UNC5D: variants seen among roughly 807,000 people sequenced by gnomAD.
UNC5D encodes the protein unc-5 netrin receptor D.
Under a neutral mutation model 105.4 loss-of-function variants are expected in UNC5D, and 39 were observed. That is an observed-to-expected ratio of 0.37 (90% CI 0.29 to 0.48). UNC5D has a LOEUF of 0.48. Among genes scored for constraint, UNC5D ranks in the 20% least tolerant of loss-of-function variants. UNC5D has a pLI of 0.98. For synonymous variants in UNC5D, 452 were observed against 450.4 expected (o/e 1.00, Z -0.04); for missense variants, 991 against 1,202.4 (o/e 0.82, Z 2.60).
intron 4 of UNC5D, among the ~76,000 whole-genome samples, chr8:35,635,421 A>C (rs1425541847): frequency 2.0e-5 from 3 of 152,094 alleles, no homozygotes; most frequent in Admixed American, 2.0e-4. Context: ...TTTTCCTGTC[A>C]CTTGTCCAAG....
intron 2 of UNC5D, among the ~76,000 whole-genome samples, chr8:35,560,176 C>G (rs1312671067): frequency 6.6e-6 from 1 of 152,162 alleles, no homozygotes; most frequent in East Asian, 1.9e-4. Flanking sequence ...AGAGTCATGC[C>G]AGTTATCAGG....
At chr8:35,547,459 T>C (rs1388778021) in intron 1 of UNC5D, among the ~76,000 whole-genome samples, 2 of 152,050 alleles carry the variant, frequency 1.3e-5, no homozygotes, top group African/African-American at 4.8e-5. Context: ...CCACCATGCC[T>C]GGATACTATT....
At chr8:35,405,912 T>A (rs1054513677) in intron 1 of UNC5D, among the ~76,000 whole-genome samples, 2 of 152,186 alleles carry the variant, frequency 1.3e-5, no homozygotes, top group African/African-American at 4.8e-5. Flanking sequence ...TCCTGACATA[T>A]GTAACTCAAA....
At chr8:35,372,626 C>G (rs1426364814) in intron 1 of UNC5D, among the ~76,000 whole-genome samples, 3 of 149,738 alleles carry the variant, frequency 2.0e-5, no homozygotes, top group African/African-American at 5.1e-5. Context: ...TTTCAAGAGA[C>G]AGGGTCTTGC....
At chr8:35,510,055 A>C (rs949827901) in intron 1 of UNC5D, among the ~76,000 whole-genome samples, 2 of 152,234 alleles carry the variant, frequency 1.3e-5, no homozygotes, top group African/African-American at 4.8e-5. Flanking sequence ...GTGTCCAGCA[A>C]CCTGGAGGCT....
rs1585737360 is a variant in UNC5D, at chr8:35,393,033, T to C, written c.104-156259T>C. On this transcript the variant is annotated intron_variant, in intron 1 of 16. Transcript: ENST00000404895. ...GTGATTTTAGGAAACCACTATTCTT[T>C]TCATCATATGCTAGTTAGTCCCATG... Among the ~76,000 whole-genome samples, 3 of 152,144 alleles carry C rather than the reference T, an allele frequency of 2.0e-5. No individual in the cohort carries two copies. The East Asian group carries it at 5.8e-4, about 29-fold the overall frequency.
chr8:35,769,429 ATT>A (rs1460821490), intron 15 of UNC5D, among the ~76,000 whole-genome samples: 1 of 152,186 alleles, frequency 6.6e-6, no homozygotes, highest in African/African-American at 2.4e-5. Context: ...AGCACCAGAA[ATT>A]TTGTCTTCCA....
intron 1 of UNC5D, among the ~76,000 whole-genome samples, chr8:35,398,670 A>C (rs542059766): frequency 5.3e-5 from 8 of 152,226 alleles, no homozygotes; most frequent in African/African-American, 1.9e-4. Flanking sequence ...TACATAAGGA[A>C]TTAATTTGGT....
chr8:35,451,952 T>C (rs73571845), intron 1 of UNC5D, among the ~76,000 whole-genome samples: 3,942 of 152,252 alleles, frequency 0.026, 165 homozygotes, highest in African/African-American at 0.09. Context: ...TCCTCTGAAG[T>C]CCCTTTCTTC....
intron 1 of UNC5D, among the ~76,000 whole-genome samples, chr8:35,272,684 G>T (rs1805497653): frequency 6.6e-6 from 1 of 152,162 alleles, no homozygotes; most frequent in African/African-American, 2.4e-5. Flanking sequence ...GTGGACTCAG[G>T]GGTGCTGTAG....
intron 1 of UNC5D, among the ~76,000 whole-genome samples, chr8:35,398,975 G>A (rs1256838055): frequency 5.9e-5 from 9 of 151,746 alleles, no homozygotes; most frequent in Non-Finnish European, 4.4e-5. Flanking sequence ...GGGCAACACG[G>A]TGAAACCCCA....
chr8:35,755,478 A>ATGTGTGTGTG (rs140830705), intron 13 of UNC5D, among the ~76,000 whole-genome samples: 1,971 of 150,478 alleles, frequency 0.013, 34 homozygotes, highest in African/African-American at 0.045. Context: ...ATTTGTGTGT[A>ATGTGTGTGTG]TGTGTGTGTG....
intron 1 of UNC5D, among the ~76,000 whole-genome samples, chr8:35,514,629 T>G (rs1812995791): frequency 6.6e-6 from 1 of 152,254 alleles, no homozygotes; most frequent in South Asian, 2.1e-4. Flanking sequence ...TTTATGTTGT[T>G]TGAATTTAGC....
chr8:35,453,085 C>A (rs1808272447), intron 1 of UNC5D, among the ~76,000 whole-genome samples: 1 of 152,110 alleles, frequency 6.6e-6, no homozygotes, highest in African/African-American at 2.4e-5. Flanking sequence ...TACCCACAGC[C>A]TCTTTTTTGA....
chr8:35,402,164 A>G (rs1301517113), intron 1 of UNC5D, among the ~76,000 whole-genome samples: 1 of 152,070 alleles, frequency 6.6e-6, no homozygotes, highest in Non-Finnish European at 1.5e-5. Flanking sequence ...TCTTTATTTC[A>G]TTTATCTGTC....
intron 1 of UNC5D, among the ~76,000 whole-genome samples, chr8:35,493,583 AG>A (rs1811351389): frequency 6.6e-6 from 1 of 151,960 alleles, no homozygotes; most frequent in Non-Finnish European, 1.5e-5. Flanking sequence ...TCTACCTCAA[AG>A]CAAAACAAAA....
chr8:35,582,273 C>T (rs1183220048), intron 3 of UNC5D, among the ~76,000 whole-genome samples: 4 of 152,156 alleles, frequency 2.6e-5, no homozygotes, highest in East Asian at 1.9e-4. Flanking sequence ...CCTATTTCAC[C>T]GCCATTGTTC....
intron 4 of UNC5D, among the ~76,000 whole-genome samples, chr8:35,617,685 A>C (rs1405807816): frequency 6.6e-6 from 1 of 152,208 alleles, no homozygotes; most frequent in Non-Finnish European, 1.5e-5. Context: ...ACACCACCCC[A>C]GCTTAGCAGC....
At chr8:35,262,752 T>G (rs756293377) in intron 1 of UNC5D, among the ~76,000 whole-genome samples, 1 of 152,152 alleles carries the variant, frequency 6.6e-6, no homozygotes, top group Non-Finnish European at 1.5e-5. Context: ...TTAAAATAAT[T>G]AAAATAATTG....
Sources: gnomAD v4.1 joint callset for allele counts (sites outside exome capture counted in the v4.1 genomes callset) on GRCh38, gnomAD v4.1.1 for gene constraint, MANE v1.5 for transcripts, NCBI Gene and HGNC (gene_info 2026-07-23, HGNC 2026-07-21) for gene names.